PLEKHA5: variants seen among roughly 807,000 people sequenced by gnomAD.
PLEKHA5 encodes the protein pleckstrin homology domain containing A5.
PLEKHA5 carries 55 observed loss-of-function variants against 181.9 expected under a neutral mutation model. The ratio of observed to expected loss-of-function variants is 0.30; its 90% CI spans 0.24 to 0.38. The LOEUF (loss-of-function observed/expected upper bound fraction) is 0.38. PLEKHA5 is among the 10% of genes least tolerant of loss of function. The pLI is 1.00. For missense variants in PLEKHA5, 1,432 were observed against 1,549.5 expected (o/e 0.92, Z 1.27); for synonymous variants, 535 against 529.4 (o/e 1.01, Z -0.15).
chr12:19,320,819 C>G, intron 18 of PLEKHA5, 195 bp downstream of exon 18: 1 of 349,520 alleles, frequency 2.9e-6, no homozygotes. Flanking sequence ...TGTTAGCAGT[C>G]CAACGTTATT....
At chr12:19,351,734 A>G (rs1000314298) in intron 25 of PLEKHA5, among the ~76,000 whole-genome samples, 10 of 152,160 alleles carry the variant, frequency 6.6e-5, no homozygotes, top group African/African-American at 2.4e-4. Flanking sequence ...ATCTAAATAC[A>G]TTGGCAATTA....
At chr12:19,276,806 T>C (rs534268178) in intron 11 of PLEKHA5, among the ~76,000 whole-genome samples, 121 of 152,220 alleles carry the variant, frequency 7.9e-4, no homozygotes, top group Non-Finnish European at 1.3e-3. Context: ...AGGTAATACA[T>C]ATGTTAATTA....
intron 3 of PLEKHA5, among the ~76,000 whole-genome samples, chr12:19,164,730 T>G (rs1448080616): frequency 6.6e-6 from 1 of 152,148 alleles, no homozygotes; most frequent in African/African-American, 2.4e-5. Flanking sequence ...CCTTAATGTG[T>G]GCTTATTCTC....
chr12:19,337,887 C>T (rs889799450), intron 21 of PLEKHA5, among the ~76,000 whole-genome samples: 5 of 151,526 alleles, frequency 3.3e-5, no homozygotes, highest in African/African-American at 7.3e-5. Context: ...CAAAATTAGC[C>T]GAGCTTGGTG....
intron 27 of PLEKHA5, among the ~76,000 whole-genome samples, chr12:19,358,672 T>C (rs891152049): frequency 2.0e-5 from 3 of 152,188 alleles, no homozygotes; most frequent in African/African-American, 7.2e-5. Flanking sequence ...GTGGACTTAA[T>C]GTCTTCAACT....
intron 3 of PLEKHA5, among the ~76,000 whole-genome samples, chr12:19,192,273 TAA>T (rs2051325649): frequency 6.6e-6 from 1 of 152,104 alleles, no homozygotes; most frequent in African/African-American, 2.4e-5. Context: ...GTCAAAGGTG[TAA>T]AAAGGACAAA....
At chr12:19,337,609 C>T (rs929080698) in intron 21 of PLEKHA5, among the ~76,000 whole-genome samples, 11 of 146,366 alleles carry the variant, frequency 7.5e-5, no homozygotes, top group Admixed American at 2.0e-4. Flanking sequence ...CTCTGAGGAA[C>T]GCAGATAATA....
Position 19,173,149 on chromosome 12 carries a change from G to C in PLEKHA5, c.227+40699G>C, listed in dbSNP as rs564333265. 4.6e-3 allele frequency among the ~76,000 whole-genome samples: 678 copies of C among 147,366 alleles called. 7 individuals are homozygous for C. Among genetic ancestry groups the C allele is most frequent in the Non-Finnish European group, 6.9e-3 (460 of 66,904 alleles). On this transcript the variant is annotated intron_variant, in intron 3 of 31. Coordinates refer to ENST00000429027, the MANE Select transcript of PLEKHA5 (RefSeq NM_001256470.2). ...CGCCATTCTCCTGCCTCAGCCTCCC[G>C]AGTAGCTGGGACTACAGGCGCCCGC...
At chr12:19,145,287 A>G (rs1164221630) in intron 3 of PLEKHA5, among the ~76,000 whole-genome samples, 2 of 152,130 alleles carry the variant, frequency 1.3e-5, no homozygotes, top group Admixed American at 6.6e-5. Context: ...TATCAGTGGC[A>G]GTATTTGAAT....
chr12:19,135,425 T>A (rs1281885195), intron 3 of PLEKHA5, among the ~76,000 whole-genome samples: 1 of 152,094 alleles, frequency 6.6e-6, no homozygotes, highest in Non-Finnish European at 1.5e-5. Flanking sequence ...TTCTTTGAAT[T>A]TTGTACTGTT....
intron 3 of PLEKHA5, among the ~76,000 whole-genome samples, chr12:19,182,780 A>G (rs979291692): frequency 2.0e-5 from 3 of 152,252 alleles, no homozygotes; most frequent in Admixed American, 1.3e-4. Flanking sequence ...TTAGAAATAC[A>G]GCATATTTAA....
intron 3 of PLEKHA5, among the ~76,000 whole-genome samples, chr12:19,178,139 A>G (rs144870665): frequency 9.2e-5 from 14 of 152,294 alleles, no homozygotes; most frequent in East Asian, 3.9e-4. Context: ...TCCTTGGTCT[A>G]TTATTCCAGT....
At chr12:19,217,108 A>G (rs1049208963) in intron 3 of PLEKHA5, among the ~76,000 whole-genome samples, 1 of 152,242 alleles carries the variant, frequency 6.6e-6, no homozygotes, top group Non-Finnish European at 1.5e-5. Context: ...ATTCATCCCC[A>G]TGTTGTAATT....
chr12:19,345,830 T>C lies in PLEKHA5; in HGVS notation c.2663-12T>C. 2 of 1,301,762 alleles carry C rather than the reference T, an allele frequency of 1.5e-6. No homozygotes were observed. Among genetic ancestry groups the C allele is most frequent in the Admixed American group, 2.0e-5 (1 of 51,176 alleles). The allele number at this position is 1,301,762 out of a possible 1,614,324, so 80.6% of individuals were successfully genotyped here. A position where few individuals can be genotyped will look rare whatever the true frequency, so the allele number is the denominator to read the frequency against. On this transcript the variant is annotated splice_polypyrimidine_tract_variant and intron_variant, in intron 22 of 31. Transcript: ENST00000429027. Reference sequence around the variant, plus strand: ...ATATGTTTAATATAGTTACGTTTTCTAATATTCCCAGGTATGATAGGATCA... The same window carrying C: ...ATATGTTTAATATAGTTACGTTTTCCAATATTCCCAGGTATGATAGGATCA...
chr12:19,325,736 C>T (rs532237197), intron 20 of PLEKHA5, among the ~76,000 whole-genome samples: 9 of 147,846 alleles, frequency 6.1e-5, no homozygotes, highest in African/African-American at 1.7e-4. Context: ...CAGGCAGGTG[C>T]GGTGGCTCAA....
Position 19,322,514 on chromosome 12 carries a change from A to G in PLEKHA5, c.2299-4A>G. The G allele has an allele frequency of 1.2e-6, 2 of 1,613,536 alleles. No individual in the cohort carries two copies. Among genetic ancestry groups the G allele is most frequent in the Non-Finnish European group, 1.7e-6 (2 of 1,179,456 alleles). ...ATTAAGTGTAATTCTTTTTATCATA[A>G]TAGTACACGCTTGAGCAAGCTTTGC... On this transcript the variant is annotated splice_region_variant and splice_polypyrimidine_tract_variant and intron_variant, in intron 19 of 31. Coordinates refer to ENST00000429027, the MANE Select transcript of PLEKHA5 (RefSeq NM_001256470.2).
intron 15 of PLEKHA5, among the ~76,000 whole-genome samples, chr12:19,308,853 G>C (rs1182438957): frequency 4.6e-5 from 7 of 151,676 alleles, no homozygotes; most frequent in East Asian, 1.9e-4. Context: ...TTCCAGACCA[G>C]CCTGGCTAAC....
chr12:19,224,674 G>A (rs1191207139), intron 3 of PLEKHA5, among the ~76,000 whole-genome samples: 2 of 152,204 alleles, frequency 1.3e-5, no homozygotes, highest in East Asian at 3.9e-4. Context: ...TTGCTTCAGT[G>A]ACTATCTCTG....
chr12:19,366,035 T>C lies in PLEKHA5; in HGVS notation c.3680T>C (p.Val1227Ala). 1 of 1,611,998 alleles carries C rather than the reference T, an allele frequency of 6.2e-7. No individual in the cohort carries two copies. Among genetic ancestry groups the C allele is most frequent in the Non-Finnish European group, 8.5e-7 (1 of 1,178,476 alleles). Residue 1227 changes from valine (V) to alanine (A), a missense_variant, in exon 30 of 32, where the codon GTT becomes GCT. Physicochemically the swap from Val to Ala is moderately conservative, Grantham distance 64 (BLOSUM62 0). Transcript: ENST00000429027. ...CCTGAAGAAAATACAAAGAACAGTG[T>C]TGACGAACAGGAAGAAACTGTTATT... is the stretch of plus-strand genomic sequence containing the variant. ...EHPEENTKNS[V>A]DEQEETVISY...
Sources: gnomAD v4.1 joint callset for allele counts (sites outside exome capture counted in the v4.1 genomes callset) on GRCh38, gnomAD v4.1.1 for gene constraint, MANE v1.5 for transcripts, NCBI Gene and HGNC (gene_info 2026-07-23, HGNC 2026-07-21) for gene names.